Variants in ZDHHC21 observed in about 807,000 individuals in gnomAD.
The protein encoded by ZDHHC21 is palmitoyltransferase ZDHHC21.
In ZDHHC21, 15 loss-of-function variants were observed where a neutral mutation model predicts 34.6. That is an observed-to-expected ratio of 0.43 (90% CI 0.29 to 0.67). The LOEUF (loss-of-function observed/expected upper bound fraction) is 0.67. Among genes scored for constraint, ZDHHC21 ranks in the 30% least tolerant of loss-of-function variants. The pLI is 0.14. For synonymous variants in ZDHHC21, 142 were observed against 101.8 expected, an observed-to-expected ratio of 1.40 and a Z score of -2.38; for missense variants, 344 against 327.7, an observed-to-expected ratio of 1.05 and a Z score of -0.38.
intron 7 of ZDHHC21, among the ~76,000 whole-genome samples, chr9:14,656,231 T>A (rs980007436): frequency 1.3e-5 from 2 of 151,978 alleles, no homozygotes; most frequent in Non-Finnish European, 1.5e-5. Context: ...TAGAGCTACA[T>A]AGATTATAAA....
At position 14,651,648 on chromosome 9, in the gene ZDHHC21, T is replaced by C. The variant is rs150714806; in HGVS notation, c.504+7101A>G. On this transcript the variant is annotated intron_variant, in intron 7 of 9. Coordinates refer to ENST00000380916, the MANE Select transcript of ZDHHC21 (RefSeq NM_178566.6). ...CCAATAAAATATTCATGGATAAACA[T>C]ACAATAAATTTAAGAAGGTATACTC... 9.6e-3 allele frequency among the ~76,000 whole-genome samples: 1,466 copies of C among 152,040 alleles called. 51 individuals carry two copies. The highest frequency in any genetic ancestry group is 0.069 in the Admixed American group (1,046 of 15,256).
At chr9:14,683,513 C>G (rs917702289) in intron 2 of ZDHHC21, 10 of 152,146 alleles carry the variant, frequency 6.6e-5, no homozygotes, top group African/African-American at 2.4e-4. Context: ...GAAGTGGAAT[C>G]TCTGAATAGA....
the ZDHHC21 span, among the ~76,000 whole-genome samples, chr9:14,596,730 AT>A: frequency 6.6e-6 from 1 of 152,250 alleles, no homozygotes; most frequent in Non-Finnish European, 1.5e-5. Context: ...AGAAAAAAAA[AT>A]AACAGAGAAC....
At chr9:14,608,020 A>G (rs1823072017), downstream of ZDHHC21, among the ~76,000 whole-genome samples, 1 of 152,224 alleles carries the variant, frequency 6.6e-6, no homozygotes, top group South Asian at 2.1e-4. Flanking sequence ...ATGCTTTTGA[A>G]CACTGAAAAA....
the ZDHHC21 span, among the ~76,000 whole-genome samples, chr9:14,601,622 T>A: frequency 7.9e-4 from 121 of 152,302 alleles, 2 homozygotes; most frequent in African/African-American, 2.8e-3. Flanking sequence ...GAATTACCAT[T>A]TAACCCAGCA....
chr9:14,619,104 G>A lies in ZDHHC21; in HGVS notation c.666-6C>T. The A allele has an allele frequency of 1.2e-6, 2 of 1,603,160 alleles. No homozygotes were observed. Among genetic ancestry groups the A allele is most frequent in the South Asian group, 2.2e-5 (2 of 89,162 alleles). ...ATGGCTTTCGGGGCCTCGATCTACAGAAGACAGCATTATTAGTGAAAGACA... is the reference window on the plus strand; with the variant it reads ...ATGGCTTTCGGGGCCTCGATCTACAAAAGACAGCATTATTAGTGAAAGACA... On this transcript the variant is annotated splice_region_variant and splice_polypyrimidine_tract_variant and intron_variant, in intron 9 of 9. Transcript: ENST00000380916.
rs1823782569 is a variant in ZDHHC21, at chr9:14,614,113, A to T, written c.*4853T>A. On this transcript the variant is annotated 3_prime_UTR_variant, in exon 10 of 10. Transcript: ENST00000380916. ...CAGCAAAGAGATTCTCTGATGTCAG[A>T]AACTGGCTCCAGTCAACTCTGTTGC... The T allele has an allele frequency of 1.3e-5, 2 of 151,772 alleles. No individual in the cohort carries two copies. The highest frequency in any genetic ancestry group is 4.8e-5 in the African/African-American group (2 of 41,416). 9.4% of individuals were successfully genotyped at this position (151,772 alleles called of 1,614,324 possible).
chr9:14,632,363 C>T (rs1040766437), intron 8 of ZDHHC21, among the ~76,000 whole-genome samples: 1 of 151,902 alleles, frequency 6.6e-6, no homozygotes, highest in Non-Finnish European at 1.5e-5. Flanking sequence ...ATTGTCTTTG[C>T]AAGAAATGGT....
the ZDHHC21 span, among the ~76,000 whole-genome samples, chr9:14,598,230 C>T: frequency 6.6e-6 from 1 of 152,104 alleles, no homozygotes; most frequent in African/African-American, 2.4e-5. Context: ...CTGCCTCTAC[C>T]ACTGGTGACT....
chr9:14,637,178 A>G (rs1828458536), intron 8 of ZDHHC21, among the ~76,000 whole-genome samples: 1 of 152,076 alleles, frequency 6.6e-6, no homozygotes, highest in Non-Finnish European at 1.5e-5. Context: ...AAGAAGAGAC[A>G]GGACCCAAGT....
intron 5 of ZDHHC21, among the ~76,000 whole-genome samples, chr9:14,671,270 T>C (rs752518913): frequency 4.6e-5 from 7 of 152,042 alleles, no homozygotes; most frequent in Non-Finnish European, 8.8e-5. Context: ...GGAATCACCT[T>C]CTACATGAGT....
chr9:14,685,656 A>G (rs1403630331), intron 2 of ZDHHC21, among the ~76,000 whole-genome samples: 10 of 152,212 alleles, frequency 6.6e-5, no homozygotes, highest in Admixed American at 5.2e-4. Context: ...CGATTCCTCA[A>G]GGATCTAGAA....
intron 2 of ZDHHC21, among the ~76,000 whole-genome samples, chr9:14,683,044 A>G (rs1050645513): frequency 6.6e-6 from 1 of 152,164 alleles, no homozygotes; most frequent in Non-Finnish European, 1.5e-5. Context: ...CAGTGTGTAG[A>G]GCGAAATTTA....
chr9:14,682,242 T>C (rs2131616158), intron 2 of ZDHHC21, among the ~76,000 whole-genome samples: 1 of 152,262 alleles, frequency 6.6e-6, no homozygotes, highest in Admixed American at 6.5e-5. Context: ...AGACACAGAC[T>C]GGCAAATTGG....
rs1839375684 is a variant in ZDHHC21, at chr9:14,692,942, C to T, written c.-225+287G>A. ...CTAGCCAACATCGTCTCGACTAGAG[C>T]AGGAACCCCCCACCCCCAGTTGAGG... On this transcript the variant is annotated intron_variant, in intron 1 of 9. Coordinates refer to ENST00000380916, the MANE Select transcript of ZDHHC21 (RefSeq NM_178566.6). Among the ~76,000 whole-genome samples, 3 of 152,014 alleles carry T rather than the reference C, an allele frequency of 2.0e-5. No individual in the cohort carries two copies. The South Asian group carries it at 6.2e-4, about 32-fold the overall frequency.
intron 2 of ZDHHC21, 110 bp downstream of exon 2, chr9:14,690,227 T>C (rs990440923): frequency 2.6e-5 from 10 of 387,820 alleles, no homozygotes; most frequent in East Asian, 2.3e-4. Flanking sequence ...CCAAGAGAGA[T>C]TGGTGGGGGG....
Position 14,616,992 on chromosome 9 carries a change from G to C in ZDHHC21, c.*1974C>G, listed in dbSNP as rs900449841. 6.6e-6 allele frequency: 1 copy of C among 151,802 alleles called. No homozygotes were observed. Among genetic ancestry groups the C allele is most frequent in the Non-Finnish European group, 1.5e-5 (1 of 67,836 alleles). 9.4% of individuals were successfully genotyped at this position (151,802 alleles called of 1,614,324 possible). The stretch of plus-strand genomic sequence containing the variant: ...CTGCTACTACATGAAGTATAAATTA[G>C]CCACAAAGTTCTTTAGGTGATCTTC... On this transcript the variant is annotated 3_prime_UTR_variant, in exon 10 of 10. Coordinates refer to ENST00000380916, the MANE Select transcript of ZDHHC21 (RefSeq NM_178566.6).
At chr9:14,667,213 T>C (rs1834610889) in intron 5 of ZDHHC21, among the ~76,000 whole-genome samples, 1 of 147,732 alleles carries the variant, frequency 6.8e-6, no homozygotes, top group East Asian at 2.1e-4. Context: ...CAGAGAATAC[T>C]ACAAACACCT....
intron 4 of ZDHHC21, 111 bp downstream of exon 4, chr9:14,674,076 G>C: frequency 1.6e-6 from 1 of 624,730 alleles, no homozygotes; most frequent in Non-Finnish European, 2.5e-6. Flanking sequence ...TGACAGCACT[G>C]CTAAAATACT....
Sources: gnomAD v4.1 joint callset for allele counts (sites outside exome capture counted in the v4.1 genomes callset) on GRCh38, gnomAD v4.1.1 for gene constraint, MANE v1.5 for transcripts, NCBI Gene and HGNC (gene_info 2026-07-23, HGNC 2026-07-21) for gene names.